FH: variants seen among roughly 807,000 people sequenced by gnomAD.
FH encodes the protein fumarate hydratase.
A neutral mutation model predicts 49.4 loss-of-function variants in FH; 22 were observed. The ratio of observed to expected loss-of-function variants is 0.45; its 90% CI spans 0.32 to 0.64. The LOEUF is 0.64. FH is among the 30% of genes least tolerant of loss of function. FH has a pLI of 0.05. For synonymous variants in FH, 208 were observed against 223.0 expected (o/e 0.93, Z 0.60); for missense variants, 526 against 641.5 (o/e 0.82, Z 1.95).
chr1:241,516,437 G>T (rs1040888318), intron 2 of FH, among the ~76,000 whole-genome samples: 2 of 152,094 alleles, frequency 1.3e-5, no homozygotes, highest in Non-Finnish European at 2.9e-5. Flanking sequence ...GTTCTCACTT[G>T]TAAGTGGGAG....
chr1:241,509,577 C>CAGCCTGGGCAACACAGAGCAATACCCTAA, intron 4 of FH, among the ~76,000 whole-genome samples: 1 of 152,272 alleles, frequency 6.6e-6, no homozygotes, highest in South Asian at 2.1e-4. Context: ...AGTTTAAGAC[C>CAGCCTGGGCAACACAGAGCAATACCCTAA]AGCCTGGGCA....
rs201893992 is a variant in FH, at chr1:241,497,860, C to T, written c.1501G>A (p.Val501Ile). ...YLTAEQFDEW[V>I]KPKDMLGPK ...GGACCCAGCATGTCCTTAGGTTTTACCCATTCGTCAAACTGCTCTGCTGTG... is the reference window on the plus strand; with the variant it reads ...GGACCCAGCATGTCCTTAGGTTTTATCCATTCGTCAAACTGCTCTGCTGTG... The change falls in exon 10 of 10, where the codon GTA becomes ATA. Residue 501 changes from valine to isoleucine, a missense_variant. Coordinates refer to ENST00000366560, the MANE Select transcript of FH (RefSeq NM_000143.4). 1.9e-6 allele frequency: 3 copies of T among 1,612,122 alleles called. No homozygotes were observed. In the East Asian group the frequency reaches 6.7e-5, roughly 36 times the overall value.
At chr1:241,510,256 T>C (rs1204440436) in intron 4 of FH, among the ~76,000 whole-genome samples, 1 of 152,192 alleles carries the variant, frequency 6.6e-6, no homozygotes, top group Non-Finnish European at 1.5e-5. Flanking sequence ...TGGCTGTTTC[T>C]AGGGCTGGGG....
rs1060500883 is a variant in FH at position 241,517,245 on chromosome 1, A to G, written c.204T>C (p.Tyr68=). The G allele has an allele frequency of 3.7e-6, 6 of 1,614,080 alleles. No homozygotes were observed. Among genetic ancestry groups the G allele is most frequent in the South Asian group, 2.2e-5 (2 of 91,084 alleles). ...GELKVPNDKY[Y]GAQTVRSTMN... Reference sequence around the variant, plus strand: ...TCGTAGATCTCACGGTCTGGGCGCCATAATACTTATCATTTGGCACCTTTA... The same window carrying G: ...TCGTAGATCTCACGGTCTGGGCGCCGTAATACTTATCATTTGGCACCTTTA... Residue 68 remains tyrosine (Y), a synonymous_variant, in exon 2 of 10, where the codon TAT becomes TAC. Coordinates refer to ENST00000366560, the MANE Select transcript of FH (RefSeq NM_000143.4).
At chr1:241,501,618 T>C (rs940262712) in intron 8 of FH, among the ~76,000 whole-genome samples, 2 of 152,210 alleles carry the variant, frequency 1.3e-5, no homozygotes, top group Non-Finnish European at 2.9e-5. Context: ...AAATATTTAG[T>C]GAATATATTA....
rs1553340502 is a variant in FH, at chr1:241,497,858, T to C, written c.1503A>G (p.Val501=). Residue 501 remains valine, a synonymous_variant, in exon 10 of 10, where the codon GTA becomes GTG. Coordinates refer to ENST00000366560, the MANE Select transcript of FH (RefSeq NM_000143.4). Reference sequence around the variant, plus strand: ...TTGGACCCAGCATGTCCTTAGGTTTTACCCATTCGTCAAACTGCTCTGCTG... The same window carrying C: ...TTGGACCCAGCATGTCCTTAGGTTTCACCCATTCGTCAAACTGCTCTGCTG... ...YLTAEQFDEW[V]KPKDMLGPK 3.7e-6 allele frequency: 6 copies of C among 1,612,260 alleles called. No homozygotes were observed. The highest frequency in any genetic ancestry group is 1.1e-5 in the South Asian group (1 of 90,986).
intron 5 of FH, among the ~76,000 whole-genome samples, 159 bp from the exon 6 acceptor site, chr1:241,506,327 A>C (rs1286101662): frequency 6.6e-6 from 1 of 152,244 alleles, no homozygotes; most frequent in South Asian, 2.1e-4. Flanking sequence ...TATGATGAGC[A>C]AAGTATAGGG....
chr1:241,503,531 A>G (rs1297920647), intron 7 of FH, among the ~76,000 whole-genome samples: 1 of 152,178 alleles, frequency 6.6e-6, no homozygotes, highest in East Asian at 1.9e-4. Context: ...GCTTGTTACC[A>G]ATATATTCTT....
At chr1:241,518,120 C>T (rs1660268231) in intron 1 of FH, among the ~76,000 whole-genome samples, 1 of 152,074 alleles carries the variant, frequency 6.6e-6, no homozygotes, top group Non-Finnish European at 1.5e-5. Context: ...TAAAAGGTAC[C>T]TTAGGGCATC....
intron 9 of FH, 92 bp downstream of exon 9, chr1:241,500,345 T>C: frequency 8.1e-7 from 1 of 1,235,030 alleles, no homozygotes; most frequent in Non-Finnish European, 1.2e-6. Context: ...AGAAATTTGC[T>C]GTTCTCAAAC....
At chr1:241,506,695 TA>T (rs1659940012) in intron 5 of FH, among the ~76,000 whole-genome samples, 1 of 152,166 alleles carries the variant, frequency 6.6e-6, no homozygotes, top group South Asian at 2.1e-4. Context: ...ACTCACTGAA[TA>T]GCACAGGAAG....
At chr1:241,515,334 C>T (rs2147923998) in intron 2 of FH, among the ~76,000 whole-genome samples, 1 of 152,302 alleles carries the variant, frequency 6.6e-6, no homozygotes, top group South Asian at 2.1e-4. Flanking sequence ...AACCACAAAA[C>T]ATGCTGGTGA....
chr1:241,518,728 A>T (rs1345975728), intron 1 of FH, among the ~76,000 whole-genome samples: 8 of 152,222 alleles, frequency 5.3e-5, no homozygotes, highest in Non-Finnish European at 8.8e-5. Flanking sequence ...CTCTTCAACT[A>T]TCATTTCTCA....
chr1:241,516,390 A>G (rs1025088816), intron 2 of FH, among the ~76,000 whole-genome samples: 3 of 152,226 alleles, frequency 2.0e-5, no homozygotes, highest in Non-Finnish European at 4.4e-5. Flanking sequence ...TGTGACCCTC[A>G]GCATACTAAC....
At position 241,500,161 on chromosome 1, in the gene FH, C is replaced by T. The variant is rs75440584; in HGVS notation, c.1390+276G>A. On this transcript the variant is annotated intron_variant, in intron 9 of 9. Coordinates refer to ENST00000366560, the MANE Select transcript of FH (RefSeq NM_000143.4). ...CCAATGGTCTGCATAGAATATTTGG[C>T]GTCTGAATTCCATTAAAATCAAAAT... Among the ~76,000 whole-genome samples, 3,128 of 152,100 alleles carry T rather than the reference C, an allele frequency of 0.021. 87 individuals are homozygous for T. Among genetic ancestry groups the T allele is most frequent in the African/African-American group, 0.065 (2,678 of 41,498 alleles).
intron 6 of FH, among the ~76,000 whole-genome samples, chr1:241,505,771 C>G (rs988856614): frequency 1.3e-5 from 2 of 152,260 alleles, no homozygotes; most frequent in African/African-American, 4.8e-5. Context: ...GTAAACAAAG[C>G]TAACACTGGT....
chr1:241,514,323 G>T (rs12059375), intron 2 of FH, among the ~76,000 whole-genome samples: 2,028 of 152,200 alleles, frequency 0.013, 46 homozygotes, highest in African/African-American at 0.046. Flanking sequence ...TCTCTCAGAA[G>T]AATTATTTTT....
chr1:241,515,072 T>C (rs1403996121), intron 2 of FH, among the ~76,000 whole-genome samples: 2 of 152,094 alleles, frequency 1.3e-5, no homozygotes, highest in African/African-American at 4.8e-5. Context: ...AAAAGACAGG[T>C]CACTTTATTC....
At position 241,517,162 on chromosome 1, in the gene FH, T is replaced by G. The variant is rs765309233; in HGVS notation, c.267+20A>C. 1.2e-6 allele frequency: 2 copies of G among 1,614,098 alleles called. No homozygotes were observed. Among genetic ancestry groups the G allele is most frequent in the Admixed American group, 3.3e-5 (2 of 60,030 alleles). The stretch of plus-strand genomic sequence containing the variant: ...CCTACTTCATCCAAAATAGCCAACA[T>G]TTCCACAAATGCCACTTACTGGCAT... On this transcript the variant is annotated intron_variant, in intron 2 of 9. Transcript: ENST00000366560.
Sources: allele counts gnomAD v4.1 joint callset (sites outside exome capture counted in the v4.1 genomes callset), GRCh38; gene constraint gnomAD v4.1.1; transcripts MANE v1.5; gene names NCBI Gene and HGNC (gene_info 2026-07-23, HGNC 2026-07-21).